Variants in NBPF11 observed in about 807,000 individuals in gnomAD.
The protein encoded by NBPF11 is NBPF family member NBPF11.
NBPF11 carries 72 observed loss-of-function variants against 93.9 expected under a neutral mutation model. The ratio of observed to expected loss-of-function variants is 0.77; its 90% CI spans 0.63 to 0.93. NBPF11 has a LOEUF of 0.93. Among genes scored for constraint, NBPF11 ranks in the 40% least tolerant of loss-of-function variants. NBPF11 has a pLI of 0.00. For synonymous variants in NBPF11, 224 were observed against 304.9 expected, an observed-to-expected ratio of 0.73 and a Z score of 2.76; for missense variants, 705 against 802.2, an observed-to-expected ratio of 0.88 and a Z score of 1.46.
In NBPF11 at chr1:148,140,580, C is replaced by CAAA. The variant is rs3053729; in HGVS notation, c.-276-2774_-276-2772dup. 4.6e-5 allele frequency among the ~76,000 whole-genome samples: 6 copies of CAAA among 131,574 alleles called. No homozygotes were observed. The East Asian group carries it at 1.3e-3, about 28-fold the overall frequency. The allele number at this position is 131,574 out of a possible 152,430, so 86.3% of individuals were successfully genotyped here. On this transcript the variant is annotated intron_variant, in intron 2 of 23. Coordinates refer to ENST00000682118, the MANE Select transcript of NBPF11 (RefSeq NM_001385469.3). ...ATTCTGAGAACTAAACAACACAAAG[C>CAAA]AAAAAAAAAAAAGGTGAAAGATCTG...
rs1571482790 is a variant in NBPF11 at position 148,135,712 on chromosome 1, C to T, written c.-76G>A. The T allele has an allele frequency of 2.9e-6, 2 of 697,912 alleles. No homozygotes were observed. Among genetic ancestry groups the T allele is most frequent in the Non-Finnish European group, 5.1e-6 (2 of 393,218 alleles). The allele number at this position is 697,912 out of a possible 1,614,324, so 43.2% of individuals were successfully genotyped here. A position where few individuals can be genotyped will look rare whatever the true frequency, so the allele number is the denominator to read the frequency against. ...CACATTTGATCCCAACTGGCAGCTGCTTCTTGGCATTAACTTTGGATTCCC... is the reference window on the plus strand; with the variant it reads ...CACATTTGATCCCAACTGGCAGCTGTTTCTTGGCATTAACTTTGGATTCCC... On this transcript the variant is annotated 5_prime_UTR_variant, in exon 4 of 24. Coordinates refer to ENST00000682118, the MANE Select transcript of NBPF11 (RefSeq NM_001385469.3).
chr1:148,122,370 C>T, intron 8 of NBPF11, 104 bp from the exon 9 acceptor site: 4 of 1,573,136 alleles, frequency 2.5e-6, no homozygotes, highest in South Asian at 1.1e-5. Context: ...GAGAGTGGTC[C>T]CAGAAAACAA....
intron 2 of NBPF11, among the ~76,000 whole-genome samples, chr1:148,143,098 G>A (rs1245917264): frequency 1.4e-5 from 2 of 144,910 alleles, no homozygotes; most frequent in African/African-American, 2.5e-5. Context: ...AGAGAGAAAT[G>A]GGGGCAGAGA....
intron 10 of NBPF11, 109 bp downstream of exon 10, chr1:148,120,392 G>C (rs1667548682): frequency 1.4e-6 from 1 of 737,592 alleles, no homozygotes; most frequent in African/African-American, 1.8e-5. Flanking sequence ...TGTTTTCCTA[G>C]AAGTATGGGG....
Position 148,102,237 on chromosome 1 carries a change from G to A in NBPF11, c.*1659C>T, listed in dbSNP as rs1203320437. 2 of 151,760 alleles carry A rather than the reference G, an allele frequency of 1.3e-5. No homozygotes were observed. Among genetic ancestry groups the A allele is most frequent in the Non-Finnish European group, 2.9e-5 (2 of 68,024 alleles). The allele number at this position is 151,760 out of a possible 1,614,324, so 9.4% of individuals were successfully genotyped here. A position where few individuals can be genotyped will look rare whatever the true frequency, so the allele number is the denominator to read the frequency against. On this transcript the variant is annotated 3_prime_UTR_variant, in exon 24 of 24. Transcript: ENST00000682118. ...AGGCAAAGAATGTTTTCTTCTTTTTGCAACAGCAGACACTAGTAAAAACAA... is the reference window on the plus strand; with the variant it reads ...AGGCAAAGAATGTTTTCTTCTTTTTACAACAGCAGACACTAGTAAAAACAA...
chr1:148,126,202 T>C (rs1208911881), intron 5 of NBPF11, among the ~76,000 whole-genome samples: 132 of 151,976 alleles, frequency 8.7e-4, no homozygotes, highest in Middle Eastern at 6.8e-3. Context: ...GGTTTCTCCA[T>C]GTTGCCCAGG....
Position 148,108,482 on chromosome 1 carries a change from C to G in NBPF11, c.2026G>C (p.Glu676Gln), listed in dbSNP as rs1412469498. ...QRIGLAVDMD[E>Q]IEKYQEVEED... ...ATCACCTTCATAGAAAGGTACTCAC[C>G]ATCCATGTCAACAGCCAAGCCAATA... The change falls in exon 18 of 24, where the codon GAA becomes CAA. Residue 676 changes from glutamate to glutamine, a missense_variant and splice_region_variant. Glu to Gln is a conservative substitution (Grantham distance 29). Transcript: ENST00000682118. 1 of 1,545,282 alleles carries G rather than the reference C, an allele frequency of 6.5e-7. No homozygotes were observed. Among genetic ancestry groups the G allele is most frequent in the East Asian group, 2.3e-5 (1 of 44,240 alleles).
In NBPF11 at chr1:148,102,521, T is replaced by A. The variant is rs1202902454; in HGVS notation, c.*1375A>T. 6.6e-6 allele frequency: 1 copy of A among 151,698 alleles called. No homozygotes were observed. Among genetic ancestry groups the A allele is most frequent in the East Asian group, 1.9e-4 (1 of 5,184 alleles). The allele number at this position is 151,698 out of a possible 1,614,324, so 9.4% of individuals were successfully genotyped here. ...TAATGGTGTTGGACAAACTAGACCTTCTCTGCCCGCAGATGGGCTGAGGTT... is the reference window on the plus strand; with the variant it reads ...TAATGGTGTTGGACAAACTAGACCTACTCTGCCCGCAGATGGGCTGAGGTT... On this transcript the variant is annotated 3_prime_UTR_variant, in exon 24 of 24. Coordinates refer to ENST00000682118, the MANE Select transcript of NBPF11 (RefSeq NM_001385469.3).
chr1:148,113,210 G>C (rs1463227750), intron 15 of NBPF11, among the ~76,000 whole-genome samples: 1 of 151,984 alleles, frequency 6.6e-6, no homozygotes, highest in Non-Finnish European at 1.5e-5. Context: ...TCAGTGTGCT[G>C]TACTCAGAAA....
intron 5 of NBPF11, among the ~76,000 whole-genome samples, chr1:148,125,678 G>T: frequency 6.6e-6 from 1 of 152,066 alleles, no homozygotes; most frequent in East Asian, 1.9e-4. Flanking sequence ...CTAATAGATA[G>T]TGTTTACACT....
chr1:148,105,711 G>A (rs1156256071), intron 21 of NBPF11, among the ~76,000 whole-genome samples, 183 bp from the exon 22 acceptor site: 1 of 47,780 alleles, frequency 2.1e-5, no homozygotes. Flanking sequence ...AAGAATGAAA[G>A]AGAAAGACAG....
chr1:148,121,531 ATT>A (rs1423561710), intron 9 of NBPF11, among the ~76,000 whole-genome samples: 2 of 148,834 alleles, frequency 1.3e-5, no homozygotes, highest in East Asian at 3.9e-4. Flanking sequence ...TTTTTTTTGT[ATT>A]TTTAGTAAAG....
chr1:148,151,698 A>C (rs2746925), intron 1 of NBPF11, 52 bp downstream of exon 1: 1,605 of 152,218 alleles, frequency 0.011, 12 homozygotes, highest in Non-Finnish European at 0.015. Context: ...CCCAGCTGTG[A>C]GCCCGCAGGT....
Position 148,103,902 on chromosome 1 carries a change from C to G in NBPF11, c.2592G>C (p.Ala864=). ...IKTHHAPGSA[A]C is the part of the protein sequence containing the mutation. ...TCAGGCACTTCCACTTCCATCAGCACGCTGCTGAGCCTGGAAAAGGAGACA... is the reference window on the plus strand; with the variant it reads ...TCAGGCACTTCCACTTCCATCAGCAGGCTGCTGAGCCTGGAAAAGGAGACA... Residue 864 remains alanine, a synonymous_variant, in exon 24 of 24, where the codon GCG becomes GCC. Transcript: ENST00000682118. 1 of 1,610,862 alleles carries G rather than the reference C, an allele frequency of 6.2e-7. No homozygotes were observed. Among genetic ancestry groups the G allele is most frequent in the Non-Finnish European group, 8.5e-7 (1 of 1,179,096 alleles).
At chr1:148,114,305 A>G in intron 15 of NBPF11, 132 bp downstream of exon 15, 2 of 727,054 alleles carry the variant, frequency 2.8e-6, no homozygotes, top group African/African-American at 1.7e-5. Context: ...GACATACAAC[A>G]TTGTAAATCA....
chr1:148,109,214 C>G (rs1425664089), intron 17 of NBPF11, 70 bp downstream of exon 17: 1 of 959,216 alleles, frequency 1.0e-6, no homozygotes, highest in South Asian at 1.3e-5. Flanking sequence ...TCAGCGTGTA[C>G]TGTTTTCCCT....
chr1:148,112,276 T>C (rs1425110647), intron 15 of NBPF11, among the ~76,000 whole-genome samples: 19 of 142,286 alleles, frequency 1.3e-4, no homozygotes, highest in Non-Finnish European at 2.4e-4. Flanking sequence ...TAACATTAGG[T>C]ATATCTCCTA....
At chr1:148,145,180 G>T (rs1333017533) in intron 1 of NBPF11, among the ~76,000 whole-genome samples, 1 of 143,930 alleles carries the variant, frequency 6.9e-6, no homozygotes, top group Non-Finnish European at 1.5e-5. Flanking sequence ...CTTAGGCTAG[G>T]CATTGATTTC....
At chr1:148,104,385 A>C in intron 23 of NBPF11, 152 bp downstream of exon 23, 1 of 634,070 alleles carries the variant, frequency 1.6e-6, no homozygotes, top group Non-Finnish European at 2.8e-6. Context: ...ATGGAAACCT[A>C]AACATCTACT....
Sources: gnomAD v4.1 joint callset for allele counts (sites outside exome capture counted in the v4.1 genomes callset) on GRCh38, gnomAD v4.1.1 for gene constraint, MANE v1.5 for transcripts, NCBI Gene and HGNC (gene_info 2026-07-23, HGNC 2026-07-21) for gene names.